The following PTPRG variants were observed in gnomAD, a reference collection of about 807,000 sequenced individuals.
PTPRG encodes the protein receptor-type tyrosine-protein phosphatase gamma.
A neutral mutation model predicts 165.3 loss-of-function variants in PTPRG; 102 were observed. The ratio of observed to expected loss-of-function variants is 0.62; its 90% CI spans 0.53 to 0.73. The LOEUF (loss-of-function observed/expected upper bound fraction) is 0.73, where lower values mean the gene tolerates loss of function less well. Among genes scored for constraint, PTPRG ranks in the 30% least tolerant of loss-of-function variants. The pLI is 0.00. For missense variants in PTPRG, 1,866 were observed against 1,861.4 expected (o/e 1.00, Z -0.05); for synonymous variants, 675 against 669.5 (o/e 1.01, Z -0.13).
rs886820893 is a variant in PTPRG, at chr3:61,561,590, G to A, written c.-698G>A. The A allele has an allele frequency of 6.6e-6, 1 of 152,440 alleles. No individual in the cohort carries two copies. Among genetic ancestry groups the A allele is most frequent in the Non-Finnish European group, 1.5e-5 (1 of 68,338 alleles). The allele number at this position is 152,440 out of a possible 1,614,324, so 9.4% of individuals were successfully genotyped here. A position where few individuals can be genotyped will look rare whatever the true frequency, so the allele number is the denominator to read the frequency against. ...GCTCACATGTTACTTCCTGTATGGA[G>A]GCATGGCCAGTTTCCAGCCCCGCGC... On this transcript the variant is annotated 5_prime_UTR_variant, in exon 1 of 30. Coordinates refer to ENST00000474889, the MANE Select transcript of PTPRG (RefSeq NM_002841.4).
intron 1 of PTPRG, among the ~76,000 whole-genome samples, chr3:61,718,213 CA>C (rs376955925): frequency 0.043 from 4,368 of 102,346 alleles, 68 homozygotes; most frequent in South Asian, 0.079. Flanking sequence ...AAACAAAAAC[CA>C]AAAAAAAAAA....
chr3:61,666,673 G>T (rs1430524371), intron 1 of PTPRG, among the ~76,000 whole-genome samples: 1 of 152,068 alleles, frequency 6.6e-6, no homozygotes, highest in African/African-American at 2.4e-5. Flanking sequence ...TTGACATTTT[G>T]GGCTGGATAA....
intron 7 of PTPRG, among the ~76,000 whole-genome samples, chr3:62,160,650 T>C (rs1383944604): frequency 6.6e-6 from 1 of 152,256 alleles, no homozygotes; most frequent in East Asian, 1.9e-4. Context: ...ATTTGTTTTC[T>C]TCTAGAATAG....
chr3:61,927,805 A>G (rs1381352646), intron 2 of PTPRG, among the ~76,000 whole-genome samples: 1 of 152,152 alleles, frequency 6.6e-6, no homozygotes, highest in Non-Finnish European at 1.5e-5. Flanking sequence ...TATCTTCTTT[A>G]TGCAGCAGTC....
intron 1 of PTPRG, among the ~76,000 whole-genome samples, chr3:61,698,420 G>A (rs1282174091): frequency 1.3e-5 from 2 of 152,048 alleles, no homozygotes; most frequent in Non-Finnish European, 2.9e-5. Flanking sequence ...TAAGTGAATG[G>A]GTGTGGCTTT....
rs142765010 is a variant in PTPRG at position 62,090,032 on chromosome 3, T to C, written c.615+11774T>C. On this transcript the variant is annotated intron_variant, in intron 5 of 29. Coordinates refer to ENST00000474889, the MANE Select transcript of PTPRG (RefSeq NM_002841.4). ...TTCATTTAATATAGCCCTTTGGTTA[T>C]AACAGAGGACTCTTATGTGTTCACA... Among the ~76,000 whole-genome samples the C allele has an allele frequency of 7.1e-3, 1,077 of 152,340 alleles. 14 individuals carry two copies. The highest frequency in any genetic ancestry group is 0.025 in the African/African-American group (1,031 of 41,578).
chr3:61,938,892 T>C (rs908022853), intron 2 of PTPRG, among the ~76,000 whole-genome samples: 3 of 152,094 alleles, frequency 2.0e-5, no homozygotes, highest in Non-Finnish European at 2.9e-5. Context: ...GCTTTGGGGG[T>C]GAAATATTTC....
intron 4 of PTPRG, among the ~76,000 whole-genome samples, chr3:62,027,449 T>C (rs4449312): frequency 0.56 from 85,354 of 152,004 alleles, 24,908 homozygotes; most frequent in African/African-American, 0.73. Context: ...CAGTGGGCTG[T>C]GTCAGCATAA....
intron 2 of PTPRG, among the ~76,000 whole-genome samples, chr3:61,827,242 G>C (rs918550481): frequency 6.6e-6 from 1 of 152,216 alleles, no homozygotes; most frequent in Non-Finnish European, 1.5e-5. Flanking sequence ...TCTTGCTGTT[G>C]TAAGATTCTA....
At chr3:61,835,170 C>T (rs544954220) in intron 2 of PTPRG, among the ~76,000 whole-genome samples, 2 of 152,286 alleles carry the variant, frequency 1.3e-5, no homozygotes, top group Admixed American at 6.5e-5. Flanking sequence ...CTCATTGTGG[C>T]AGAGGCAGGC....
At position 62,034,576 on chromosome 3, in the gene PTPRG, G is replaced by A. The variant is rs541295842; in HGVS notation, c.519+31079G>A. The stretch of plus-strand genomic sequence containing the variant: ...TTCTCTCTTGTAGTCTTCCTAGTTC[G>A]TCAGTTACACTTAGAGGTAGATATC... On this transcript the variant is annotated intron_variant, in intron 4 of 29. Coordinates refer to ENST00000474889, the MANE Select transcript of PTPRG (RefSeq NM_002841.4). Among the ~76,000 whole-genome samples, 21 of 152,304 alleles carry A rather than the reference G, an allele frequency of 1.4e-4. No homozygotes were observed. The South Asian group carries it at 3.7e-3, about 27-fold the overall frequency.
At chr3:61,858,087 G>A (rs2037163125) in intron 2 of PTPRG, among the ~76,000 whole-genome samples, 2 of 152,274 alleles carry the variant, frequency 1.3e-5, no homozygotes, top group Middle Eastern at 3.4e-3. Context: ...TTTTTTAAAA[G>A]GTAATTTTCT....
intron 2 of PTPRG, among the ~76,000 whole-genome samples, chr3:61,783,470 G>C (rs2034604007): frequency 6.6e-6 from 1 of 152,340 alleles, no homozygotes; most frequent in South Asian, 2.1e-4. Flanking sequence ...ATCACCATGT[G>C]ATAACTACAA....
At position 61,866,503 on chromosome 3, in the gene PTPRG, G is replaced by C. The variant is rs527301749; in HGVS notation, c.190+117521G>C. Among the ~76,000 whole-genome samples the C allele has an allele frequency of 3.0e-4, 46 of 151,654 alleles. 2 individuals carry two copies. The highest frequency in any genetic ancestry group is 2.3e-3 in the Admixed American group (35 of 15,240). ...ATTCTAGAATACCTGGCTAGGATGT[G>C]GGGGAGAGAGGTGAGCATAGCTCCT... On this transcript the variant is annotated intron_variant, in intron 2 of 29. Transcript: ENST00000474889.
intron 28 of PTPRG, among the ~76,000 whole-genome samples, chr3:62,287,394 A>G (rs1702705216): frequency 6.6e-6 from 1 of 152,188 alleles, no homozygotes; most frequent in African/African-American, 2.4e-5. Flanking sequence ...CTATCATAAT[A>G]GGGTATTAAA....
intron 6 of PTPRG, among the ~76,000 whole-genome samples, chr3:62,146,631 T>TA (rs3073630): frequency 0.14 from 20,095 of 146,164 alleles, 1,371 homozygotes; most frequent in Non-Finnish European, 0.16. Flanking sequence ...CTGTTGCTTT[T>TA]AAAAAAAAAA....
intron 2 of PTPRG, among the ~76,000 whole-genome samples, chr3:61,880,266 A>G (rs2037847561): frequency 6.6e-6 from 1 of 152,212 alleles, no homozygotes; most frequent in South Asian, 2.1e-4. Context: ...AAATTTTTAG[A>G]CTATCTCCCC....
intron 26 of PTPRG, 21 bp from the exon 27 acceptor site, chr3:62,281,538 CTTTT>C: frequency 3.2e-6 from 2 of 620,494 alleles, no homozygotes; most frequent in Non-Finnish European, 4.2e-6. Context: ...ACTGCAGAGG[CTTTT>C]TTTTTTTTTG....
intron 1 of PTPRG, among the ~76,000 whole-genome samples, chr3:61,671,092 AT>A (rs1219807993): frequency 5.4e-5 from 8 of 147,292 alleles, no homozygotes; most frequent in Admixed American, 5.4e-4. Context: ...GGGGAAGATT[AT>A]TTTGTTTGAG....
Sources: gnomAD v4.1 joint callset for allele counts (sites outside exome capture counted in the v4.1 genomes callset) on GRCh38, gnomAD v4.1.1 for gene constraint, MANE v1.5 for transcripts, NCBI Gene and HGNC (gene_info 2026-07-23, HGNC 2026-07-21) for gene names.